The following ACTR3C variants were observed in gnomAD, a reference collection of about 807,000 sequenced individuals.
ACTR3C encodes actin-related protein 3C.
In ACTR3C, 18 loss-of-function variants were observed where a neutral mutation model predicts 26.3. That is an observed-to-expected ratio of 0.68 (90% CI 0.47 to 1.01). The LOEUF (loss-of-function observed/expected upper bound fraction) is 1.01. Among genes scored for constraint, ACTR3C ranks in the 50% least tolerant of loss-of-function variants. The pLI is 0.00. For missense variants in ACTR3C, 184 were observed against 250.7 expected (o/e 0.73, Z 1.80); for synonymous variants, 55 against 94.5 (o/e 0.58, Z 2.42).
the ACTR3C span, among the ~76,000 whole-genome samples, chr7:149,931,785 CAAAA>C: frequency 6.7e-6 from 1 of 149,778 alleles, no homozygotes; most frequent in Non-Finnish European, 1.5e-5. Context: ...AATAAATTGA[CAAAA>C]AAAAAGGCAG....
the ACTR3C span, among the ~76,000 whole-genome samples, chr7:149,903,686 T>G: frequency 6.6e-6 from 1 of 150,698 alleles, no homozygotes; most frequent in African/African-American, 2.5e-5. Flanking sequence ...GGACCACAGG[T>G]GAGTGTCACT....
At chr7:150,186,012 A>G in the ACTR3C span, among the ~76,000 whole-genome samples, 1 of 152,152 alleles carries the variant, frequency 6.6e-6, no homozygotes, top group South Asian at 2.1e-4. Flanking sequence ...TTTCAGGGCT[A>G]TTTCTCATCT....
At chr7:150,206,398 TG>T in the ACTR3C span, among the ~76,000 whole-genome samples, 1 of 151,924 alleles carries the variant, frequency 6.6e-6, no homozygotes, top group Middle Eastern at 3.4e-3. Context: ...AGACTGTGGG[TG>T]GGGTTTTTTT....
chr7:150,122,468 C>G, the ACTR3C span, among the ~76,000 whole-genome samples: 4 of 152,094 alleles, frequency 2.6e-5, no homozygotes, highest in Non-Finnish European at 5.9e-5. Flanking sequence ...ATTTATGCAG[C>G]CAACAAACAT....
chr7:149,978,002 G>T, the ACTR3C span, among the ~76,000 whole-genome samples: 1 of 151,186 alleles, frequency 6.6e-6, no homozygotes, highest in Non-Finnish European at 1.5e-5. Context: ...GACACAGACA[G>T]CCAGTTCTAG....
rs1425933489 is a variant in ACTR3C at position 150,247,387 on chromosome 7, C to T, written c.*221G>A. On this transcript the variant is annotated 3_prime_UTR_variant, in exon 8 of 8. Coordinates refer to ENST00000683684, the MANE Select transcript of ACTR3C (RefSeq NM_001164458.2). ...TCTTCACCTGGGCTTGCTGCTGCCC[C>T]ACGTAGTAAGGATGCAACAGTTTGT... The T allele has an allele frequency of 6.6e-5, 10 of 150,970 alleles. No individual in the cohort carries two copies. Among genetic ancestry groups the T allele is most frequent in the African/African-American group, 2.2e-4 (9 of 40,942 alleles). The allele number at this position is 150,970 out of a possible 1,614,324, so 9.4% of individuals were successfully genotyped here.
At chr7:150,159,814 T>C in the ACTR3C span, among the ~76,000 whole-genome samples, 1,832 of 152,224 alleles carry the variant, frequency 0.012, 13 homozygotes, top group Middle Eastern at 0.024. Context: ...TTTTTTGTTT[T>C]TTGAGATGGA....
chr7:149,942,893 A>G, the ACTR3C span, among the ~76,000 whole-genome samples: 1 of 151,568 alleles, frequency 6.6e-6, no homozygotes, highest in Non-Finnish European at 1.5e-5. Flanking sequence ...GCTGATGGGA[A>G]TTGAAGGAAC....
chr7:149,964,263 G>A, the ACTR3C span, among the ~76,000 whole-genome samples: 2 of 152,200 alleles, frequency 1.3e-5, no homozygotes, highest in Non-Finnish European at 2.9e-5. Flanking sequence ...ATAAGGAATA[G>A]GGATGTTATC....
At chr7:150,175,611 T>C in the ACTR3C span, among the ~76,000 whole-genome samples, 22,729 of 148,166 alleles carry the variant, frequency 0.15, 3,687 homozygotes, top group African/African-American at 0.37. Context: ...GTCAGGAGTT[T>C]GAGACCAGTC....
the ACTR3C span, among the ~76,000 whole-genome samples, chr7:149,906,537 G>A: frequency 6.9e-6 from 1 of 145,744 alleles, no homozygotes; most frequent in African/African-American, 2.5e-5. Flanking sequence ...ATTCAAGTGA[G>A]TCTCCTGCCT....
At chr7:150,056,590 C>T in the ACTR3C span, among the ~76,000 whole-genome samples, 1 of 152,194 alleles carries the variant, frequency 6.6e-6, no homozygotes, top group African/African-American at 2.4e-5. Flanking sequence ...AATAAATCCA[C>T]GAGTCACATG....
the ACTR3C span, among the ~76,000 whole-genome samples, chr7:150,087,358 T>A: frequency 6.6e-6 from 1 of 152,302 alleles, no homozygotes; most frequent in East Asian, 1.9e-4. Context: ...TAGGAGAGAT[T>A]TGTGGTTCTT....
Position 150,305,658 on chromosome 7 carries a change from C to T in ACTR3C, c.-51-10311G>A, listed in dbSNP as rs1208998137. 3.3e-5 allele frequency among the ~76,000 whole-genome samples: 5 copies of T among 152,210 alleles called. 1 individual carries two copies. Among genetic ancestry groups the T allele is most frequent in the Admixed American group, 2.6e-4 (4 of 15,282 alleles). On this transcript the variant is annotated intron_variant, in intron 1 of 7. Transcript: ENST00000683684. ...CTAATTCAGTTTCCACTCAAGAGCA[C>T]TGCATCTCTTTGACATCTCTGAGTG...
At chr7:150,192,965 C>A in the ACTR3C span, among the ~76,000 whole-genome samples, 1 of 152,172 alleles carries the variant, frequency 6.6e-6, no homozygotes, top group Non-Finnish European at 1.5e-5. Flanking sequence ...TGATCTTAAC[C>A]TCTGTATTGT....
At chr7:150,138,071 C>T in the ACTR3C span, among the ~76,000 whole-genome samples, 1 of 152,138 alleles carries the variant, frequency 6.6e-6, no homozygotes, top group Non-Finnish European at 1.5e-5. Context: ...CATTGGGTCT[C>T]TGTGGGCTTC....
At chr7:149,906,105 T>C in the ACTR3C span, among the ~76,000 whole-genome samples, 1 of 152,076 alleles carries the variant, frequency 6.6e-6, no homozygotes, top group South Asian at 2.1e-4. Flanking sequence ...GACAAAAACA[T>C]AATATTGAGG....
At chr7:150,028,950 C>T in the ACTR3C span, among the ~76,000 whole-genome samples, 2 of 152,130 alleles carry the variant, frequency 1.3e-5, no homozygotes, top group East Asian at 3.9e-4. Context: ...TCCAGGCCTT[C>T]CCTGAGGCCA....
chr7:150,123,110 G>A, the ACTR3C span, among the ~76,000 whole-genome samples: 1 of 151,652 alleles, frequency 6.6e-6, no homozygotes, highest in African/African-American at 2.4e-5. Flanking sequence ...GGGAGGGATA[G>A]CATTAGGAGA....
Sources: gnomAD v4.1 joint callset for allele counts (sites outside exome capture counted in the v4.1 genomes callset) on GRCh38, gnomAD v4.1.1 for gene constraint, MANE v1.5 for transcripts, NCBI Gene and HGNC (gene_info 2026-07-23, HGNC 2026-07-21) for gene names.